Variants in OPCML observed in about 807,000 individuals in gnomAD.
OPCML encodes opioid-binding protein/cell adhesion molecule.
In OPCML, 13 loss-of-function variants were observed where a neutral mutation model predicts 37.8. The ratio of observed to expected loss-of-function variants is 0.34; its 90% CI spans 0.22 to 0.55. The LOEUF (loss-of-function observed/expected upper bound fraction) is 0.55, where lower values mean the gene tolerates loss of function less well. Ranked by LOEUF, OPCML falls within the 20% of genes least tolerant of loss-of-function variation. The pLI is 0.91. For missense variants in OPCML, 341 were observed against 435.6 expected (o/e 0.78, Z 1.93); for synonymous variants, 176 against 168.8 (o/e 1.04, Z -0.33).
At chr11:133,179,452 C>A (rs1937715676) in intron 1 of OPCML, among the ~76,000 whole-genome samples, 1 of 152,110 alleles carries the variant, frequency 6.6e-6, no homozygotes, top group African/African-American at 2.4e-5. Flanking sequence ...CGGGAGGAGA[C>A]TCCTCACCAC....
At chr11:132,491,710 G>T (rs1045251707) in intron 4 of OPCML, among the ~76,000 whole-genome samples, 2 of 152,172 alleles carry the variant, frequency 1.3e-5, no homozygotes, top group African/African-American at 4.8e-5. Context: ...CTGTTCTAGG[G>T]GTGGGGTCTA....
chr11:132,632,087 G>A (rs1438211672), intron 3 of OPCML, among the ~76,000 whole-genome samples: 1 of 150,824 alleles, frequency 6.6e-6, no homozygotes, highest in East Asian at 2.0e-4. Context: ...CTGCCTGAAA[G>A]AGTCCCTCCT....
chr11:133,146,518 T>C (rs1013333171), intron 1 of OPCML, among the ~76,000 whole-genome samples: 2 of 152,144 alleles, frequency 1.3e-5, no homozygotes, highest in African/African-American at 4.8e-5. Context: ...TTTCACTATG[T>C]TGGCAGGGCT....
chr11:132,560,261 A>G (rs2096407681), intron 3 of OPCML, among the ~76,000 whole-genome samples: 1 of 152,238 alleles, frequency 6.6e-6, no homozygotes. Context: ...CTATAAAGTT[A>G]CAGGTCTCAC....
At chr11:133,058,413 G>A (rs781725736) in intron 1 of OPCML, among the ~76,000 whole-genome samples, 4 of 152,178 alleles carry the variant, frequency 2.6e-5, no homozygotes, top group Non-Finnish European at 2.9e-5. Flanking sequence ...GGGGGCACGC[G>A]GGGTGCATCC....
In OPCML at chr11:132,687,939, T is replaced by C. The variant is rs576669897; in HGVS notation, c.147-30620A>G. 2.6e-4 allele frequency among the ~76,000 whole-genome samples: 40 copies of C among 152,308 alleles called. 1 individual carries two copies. The South Asian group carries it at 7.9e-3, about 30-fold the overall frequency. ...GCAAATTGGGCTCTCTGTGATTTACTATAGAATGCACTCCAGGAGACTTAA... is the reference window on the plus strand; with the variant it reads ...GCAAATTGGGCTCTCTGTGATTTACCATAGAATGCACTCCAGGAGACTTAA... On this transcript the variant is annotated intron_variant, in intron 2 of 7. Coordinates refer to ENST00000524381, the MANE Select transcript of OPCML (RefSeq NM_001012393.5).
rs57417327 is a variant in OPCML at position 133,373,424 on chromosome 11, A to AATATATATATATATATATAT, written c.61+158820_61+158839dup. Among the ~76,000 whole-genome samples, 547 of 117,582 alleles carry AATATATATATATATATATAT rather than the reference A, an allele frequency of 4.7e-3. 1 individual carries two copies. The highest frequency in any genetic ancestry group is 0.011 in the East Asian group (46 of 4,084). 77.1% of individuals were successfully genotyped at this position (117,582 alleles called of 152,430 possible). A position where few individuals can be genotyped will look rare whatever the true frequency, so the allele number is the denominator to read the frequency against. On this transcript the variant is annotated intron_variant, in intron 1 of 7. Coordinates refer to ENST00000524381, the MANE Select transcript of OPCML (RefSeq NM_001012393.5). ...CTAAAAAAGTTAATTACTTAATTAAAATATATATATATATATATATATATA... is the reference window on the plus strand; with the variant it reads ...CTAAAAAAGTTAATTACTTAATTAAAATATATATATATATATATATATATATATATATATATATATATATA...
Position 132,915,408 on chromosome 11 carries a change from G to C in OPCML, c.146+27518C>G, listed in dbSNP as rs1591796810. Among the ~76,000 whole-genome samples the C allele has an allele frequency of 2.0e-5, 3 of 152,208 alleles. No homozygotes were observed. In the South Asian group the frequency reaches 6.2e-4, roughly 32 times the overall value. Reference sequence around the variant, plus strand: ...GGGAAGGCTGGCAAGACCTCAGCCTGTGCAACCATTTAGGCAGTTTCCACA... The same window carrying C: ...GGGAAGGCTGGCAAGACCTCAGCCTCTGCAACCATTTAGGCAGTTTCCACA... On this transcript the variant is annotated intron_variant, in intron 2 of 7. Transcript: ENST00000524381.
At chr11:133,245,873 A>G (rs752350474) in intron 1 of OPCML, among the ~76,000 whole-genome samples, 8 of 152,170 alleles carry the variant, frequency 5.3e-5, no homozygotes, top group Non-Finnish European at 1.0e-4. Context: ...AGGAACAGAA[A>G]ACCAAACACT....
At chr11:133,199,457 G>A (rs773192841) in intron 1 of OPCML, among the ~76,000 whole-genome samples, 5 of 151,950 alleles carry the variant, frequency 3.3e-5, no homozygotes, top group Admixed American at 6.6e-5. Flanking sequence ...CGCTACAGTC[G>A]CCTAGTGATG....
At chr11:133,094,171 G>A (rs1487643877) in intron 1 of OPCML, among the ~76,000 whole-genome samples, 1 of 152,152 alleles carries the variant, frequency 6.6e-6, no homozygotes, top group African/African-American at 2.4e-5. Flanking sequence ...GAGAGTAGCT[G>A]TTAATTACTT....
chr11:132,987,496 C>A (rs1946701825), intron 1 of OPCML, among the ~76,000 whole-genome samples: 1 of 152,012 alleles, frequency 6.6e-6, no homozygotes, highest in African/African-American at 2.4e-5. Flanking sequence ...TGTGAAAGGC[C>A]CCATTGCGAG....
intron 1 of OPCML, among the ~76,000 whole-genome samples, chr11:132,944,392 C>G (rs1446563627): frequency 6.6e-6 from 1 of 152,178 alleles, no homozygotes; most frequent in Non-Finnish European, 1.5e-5. Context: ...CGGCTCCCCG[C>G]CCAGCCAAGT....
intron 1 of OPCML, among the ~76,000 whole-genome samples, chr11:132,948,281 CAGA>C (rs1186641949): frequency 6.6e-6 from 1 of 152,178 alleles, no homozygotes; most frequent in Non-Finnish European, 1.5e-5. Flanking sequence ...GGTCAGGAGG[CAGA>C]AGGAGTGAGA....
intron 2 of OPCML, among the ~76,000 whole-genome samples, chr11:132,887,025 G>A (rs1311689750): frequency 1.3e-5 from 2 of 152,100 alleles, no homozygotes; most frequent in Non-Finnish European, 2.9e-5. Flanking sequence ...AACTAAATTA[G>A]GTACAAGCCT....
chr11:133,474,835 T>G (rs1217269113), intron 1 of OPCML, among the ~76,000 whole-genome samples: 1 of 152,188 alleles, frequency 6.6e-6, no homozygotes, highest in Non-Finnish European at 1.5e-5. Flanking sequence ...TCGGATGTGC[T>G]GGGGCACTGG....
intron 1 of OPCML, among the ~76,000 whole-genome samples, chr11:133,030,896 C>T (rs757335951): frequency 1.6e-5 from 2 of 122,324 alleles, no homozygotes; most frequent in African/African-American, 3.7e-5. Flanking sequence ...TTTTTTTTTT[C>T]CAAAGAAGGC....
At chr11:132,425,576 G>A (rs968738225) in intron 7 of OPCML, among the ~76,000 whole-genome samples, 3 of 152,234 alleles carry the variant, frequency 2.0e-5, no homozygotes, top group African/African-American at 7.2e-5. Context: ...ACAGAGTAAA[G>A]GATGATGAAA....
At chr11:132,685,525 A>G (rs1943129158) in intron 2 of OPCML, among the ~76,000 whole-genome samples, 1 of 152,198 alleles carries the variant, frequency 6.6e-6, no homozygotes, top group African/African-American at 2.4e-5. Context: ...GCAAAAAACC[A>G]CAAAGGAGAA....
Sources: allele counts gnomAD v4.1 joint callset (sites outside exome capture counted in the v4.1 genomes callset), GRCh38; gene constraint gnomAD v4.1.1; transcripts MANE v1.5; gene names NCBI Gene and HGNC (gene_info 2026-07-23, HGNC 2026-07-21).